SPTAN1: variants seen among roughly 807,000 people sequenced by gnomAD.
SPTAN1 encodes spectrin alpha chain, non-erythrocytic 1.
SPTAN1 carries 61 observed loss-of-function variants against 331.3 expected under a neutral mutation model. That is an observed-to-expected ratio of 0.18 (90% confidence interval 0.15 to 0.23). SPTAN1 has a LOEUF of 0.23. Among genes scored for constraint, SPTAN1 ranks in the 10% least tolerant of loss-of-function variants. SPTAN1 has a pLI of 1.00. For synonymous variants in SPTAN1, 1,153 were observed against 1,173.9 expected (o/e 0.98, Z 0.36); for missense variants, 2,043 against 3,147.9 (o/e 0.65, Z 8.40).
Position 128,582,299 on chromosome 9 carries a change from G to A in SPTAN1, c.1573-180G>A, listed in dbSNP as rs4384085. Reference sequence around the variant, plus strand: ...TGCAGTCTTATGATATCTGACTGGTGACATCAAGCAAAATCTCAAAAGTTA... The same window carrying A: ...TGCAGTCTTATGATATCTGACTGGTAACATCAAGCAAAATCTCAAAAGTTA... On this transcript the variant is annotated intron_variant, in intron 12 of 56. Transcript: ENST00000372739. Among the ~76,000 whole-genome samples the A allele has an allele frequency of 1, 151,838 of 152,314 alleles. 75,685 individuals are homozygous for A. The highest frequency in any genetic ancestry group is 1 in the Middle Eastern group (294 of 294).
intron 28 of SPTAN1, 62 bp downstream of exon 28, chr9:128,603,652 G>A: frequency 6.3e-7 from 1 of 1,583,630 alleles, no homozygotes; most frequent in Non-Finnish European, 8.7e-7. Context: ...TTCCTTCCCT[G>A]TCTACAGCAG....
chr9:128,588,857 G>T lies in SPTAN1; in HGVS notation c.2920G>T (p.Ala974Ser). The change falls in exon 21 of 57, where the codon GCT becomes TCT. Residue 974 changes from alanine (A) to serine (S), a missense_variant. Physicochemically the swap from Ala to Ser is moderately conservative, Grantham distance 99. This residue lies in a region of SPTAN1 where 1,038 missense variants were observed against 1,531.5 expected (regional missense o/e 0.68). Transcript: ENST00000372739. ...DDETGKELVL[A>S]LYDYQEKSPR... ...TGAGACTGGGAAGGAGCTGGTCTTGGCTCTCTACGACTATCAGGAGAAGAG... is the reference window on the plus strand; with the variant it reads ...TGAGACTGGGAAGGAGCTGGTCTTGTCTCTCTACGACTATCAGGAGAAGAG... 1 of 1,614,130 alleles carries T rather than the reference G, an allele frequency of 6.2e-7. No homozygotes were observed. Among genetic ancestry groups the T allele is most frequent in the Non-Finnish European group, 8.5e-7 (1 of 1,180,014 alleles).
intron 45 of SPTAN1, chr9:128,621,935 C>T (rs1313601798): frequency 6.3e-6 from 1 of 158,160 alleles, no homozygotes; most frequent in Non-Finnish European, 1.4e-5. Flanking sequence ...TGCAGTGACG[C>T]ACCTGGAGTG....
intron 40 of SPTAN1, among the ~76,000 whole-genome samples, chr9:128,613,726 A>G (rs1267913008): frequency 6.6e-6 from 1 of 152,248 alleles, no homozygotes. Context: ...TTTTAAGGCC[A>G]GGTGCAGTGG....
intron 2 of SPTAN1, 64 bp from the exon 3 acceptor site, chr9:128,568,708 A>G: frequency 6.2e-7 from 1 of 1,608,346 alleles, no homozygotes; most frequent in Middle Eastern, 2.0e-4. Context: ...CACGGGGAAC[A>G]GCGGGGACAA....
intron 9 of SPTAN1, among the ~76,000 whole-genome samples, chr9:128,579,102 C>T (rs572675082): frequency 5.3e-5 from 8 of 152,186 alleles, no homozygotes; most frequent in African/African-American, 1.2e-4. Flanking sequence ...ACAGATGGAA[C>T]GATCTTCTGT....
At chr9:128,563,761 G>A (rs1217175689) in intron 1 of SPTAN1, among the ~76,000 whole-genome samples, 1 of 150,336 alleles carries the variant, frequency 6.7e-6, no homozygotes, top group African/African-American at 2.5e-5. Flanking sequence ...TGTCACCCAG[G>A]CTGGAGTACA....
At chr9:128,592,089 C>T (rs888721484) in intron 22 of SPTAN1, among the ~76,000 whole-genome samples, 3 of 152,080 alleles carry the variant, frequency 2.0e-5, no homozygotes, top group South Asian at 4.1e-4. Context: ...TAGGGTATTT[C>T]TGACTCCACT....
rs147432108 is a variant in SPTAN1 at position 128,599,135 on chromosome 9, A to G, written c.3543+149A>G. On this transcript the variant is annotated intron_variant, in intron 26 of 56. Coordinates refer to ENST00000372739, the MANE Select transcript of SPTAN1 (RefSeq NM_001130438.3). ...TAAAGATTTGTGGAAAACTCCAAAA[A>G]TTGATTTCTTTTTTTTTGAGACGGA... is the stretch of plus-strand genomic sequence containing the variant. 6.2e-3 allele frequency: 5,240 copies of G among 841,976 alleles called. 31 individuals are homozygous for G. Among genetic ancestry groups the G allele is most frequent in the Middle Eastern group, 0.011 (48 of 4,568 alleles). 52.2% of individuals were successfully genotyped at this position (841,976 alleles called of 1,614,324 possible).
chr9:128,569,793 G>C (rs1022266676), intron 3 of SPTAN1, among the ~76,000 whole-genome samples: 1 of 151,996 alleles, frequency 6.6e-6, no homozygotes, highest in East Asian at 1.9e-4. Context: ...CTGTGTGGAG[G>C]TTTCGTTCAC....
At chr9:128,594,142 T>G in intron 23 of SPTAN1, 33 bp from the exon 24 acceptor site, 2 of 1,612,076 alleles carry the variant, frequency 1.2e-6, no homozygotes, top group Non-Finnish European at 1.7e-6. Context: ...CTGCCTTCCT[T>G]GTCCCTCTTG....
chr9:128,633,433 C>A lies in SPTAN1; in HGVS notation c.*99C>A, dbSNP rs907297944. The A allele has an allele frequency of 1.3e-6, 2 of 1,583,728 alleles. No individual in the cohort carries two copies. The highest frequency in any genetic ancestry group is 2.7e-5 in the African/African-American group (2 of 74,558). On this transcript the variant is annotated 3_prime_UTR_variant, in exon 57 of 57. Coordinates refer to ENST00000372739, the MANE Select transcript of SPTAN1 (RefSeq NM_001130438.3). ...TCTCACTTTCCACTGTAACCTTAAG[C>A]CTGCTTAGCTTGGAATAAGACTTAG...
rs1859360201 is a variant in SPTAN1, at chr9:128,629,641, T to C, written c.6708-680T>C. 1 of 169,384 alleles carries C rather than the reference T, an allele frequency of 5.9e-6. No individual in the cohort carries two copies. Among genetic ancestry groups the C allele is most frequent in the African/African-American group, 2.4e-5 (1 of 41,852 alleles). 10.5% of individuals were successfully genotyped at this position (169,384 alleles called of 1,614,324 possible). A position where few individuals can be genotyped will look rare whatever the true frequency, so the allele number is the denominator to read the frequency against. The stretch of plus-strand genomic sequence containing the variant: ...GCCTCTGTGACCTGGCACTGTGTTC[T>C]CTTGGGAAGGAGGCTCCCCAGAGCC... On this transcript the variant is annotated intron_variant, in intron 51 of 56. Coordinates refer to ENST00000372739, the MANE Select transcript of SPTAN1 (RefSeq NM_001130438.3). This position sits in a 1 kb window ranked among gnomAD's most constrained non-coding sequence, Gnocchi z 4.9.
At chr9:128,585,015 CTTTT>C (rs11382658) in intron 18 of SPTAN1, among the ~76,000 whole-genome samples, 172 bp downstream of exon 18, 3 of 133,120 alleles carry the variant, frequency 2.3e-5, no homozygotes. Flanking sequence ...GCCTGAATTT[CTTTT>C]TTTTTTTTTT....
chr9:128,586,064 A>T (rs1172118781), intron 19 of SPTAN1, 99 bp downstream of exon 19: 3 of 916,908 alleles, frequency 3.3e-6, no homozygotes, highest in Non-Finnish European at 5.2e-6. Flanking sequence ...GGAGGTGTGC[A>T]TTACAGTGAT....
At position 128,627,854 on chromosome 9, in the gene SPTAN1, C is replaced by A; in HGVS notation, c.6690-71C>A. On this transcript the variant is annotated intron_variant, in intron 50 of 56. Coordinates refer to ENST00000372739, the MANE Select transcript of SPTAN1 (RefSeq NM_001130438.3). This position sits in a 1 kb window ranked among gnomAD's most constrained non-coding sequence, Gnocchi z 4.9. ...TTCCTTTCTTTCTTGTGTCTTCTCTCTGTCCCCCCGATTGCTGCTGTTGTC... is the reference window on the plus strand; with the variant it reads ...TTCCTTTCTTTCTTGTGTCTTCTCTATGTCCCCCCGATTGCTGCTGTTGTC... 1.3e-6 allele frequency: 2 copies of A among 1,567,236 alleles called. No individual in the cohort carries two copies. The highest frequency in any genetic ancestry group is 2.2e-5 in the South Asian group (2 of 90,150).
chr9:128,566,814 G>T lies in SPTAN1; in HGVS notation c.74G>T (p.Arg25Leu). The T allele has an allele frequency of 1.9e-6, 3 of 1,614,206 alleles. No individual in the cohort carries two copies. The highest frequency in any genetic ancestry group is 2.5e-6 in the Non-Finnish European group (3 of 1,180,032). The change falls in exon 2 of 57, where the codon CGA becomes CTA. Residue 25 changes from arginine (R) to leucine (L), a missense_variant. By Grantham distance (102) the Arg-to-Leu change is moderately radical (BLOSUM62 -2). Around this residue, in one of 12 missense-constraint regions of SPTAN1, gnomAD observed 1,038 missense variants for 1,531.5 expected, o/e 0.68. Transcript: ENST00000372739. ...GAGAGGCGGCAGCAGGTCCTAGACC[G>T]ATACCACCGCTTCAAGGAACTCTCA... The part of the protein sequence containing the change: ...IQERRQQVLD[R>L]YHRFKELSTL...
intron 20 of SPTAN1, among the ~76,000 whole-genome samples, chr9:128,588,296 T>G (rs1214615800): frequency 7.0e-6 from 1 of 143,130 alleles, no homozygotes; most frequent in Admixed American, 7.5e-5. Flanking sequence ...TGCCCGGCCC[T>G]ACTTTAAAAT....
chr9:128,594,054 T>G (rs1317997911), intron 23 of SPTAN1, 121 bp from the exon 24 acceptor site: 4 of 905,280 alleles, frequency 4.4e-6, no homozygotes, highest in Non-Finnish European at 7.2e-6. Flanking sequence ...TAGGGCATCA[T>G]CATTACAAAC....
Sources: gnomAD v4.1 joint callset for allele counts (sites outside exome capture counted in the v4.1 genomes callset) on GRCh38, gnomAD v4.1.1 for gene constraint, gnomAD v4.1.1 regional missense constraint, Gnocchi (gnomAD v3.1) non-coding constraint, MANE v1.5 for transcripts, NCBI Gene and HGNC (gene_info 2026-07-23, HGNC 2026-07-21) for gene names.